Variants in CDC42BPG observed in about 807,000 individuals in gnomAD.
CDC42BPG encodes the protein CDC42 binding protein kinase gamma.
In CDC42BPG, 157 loss-of-function variants were observed where a neutral mutation model predicts 192.2. That is an observed-to-expected ratio of 0.82 (90% CI 0.72 to 0.93). CDC42BPG has a LOEUF of 0.93. CDC42BPG is among the 40% of genes least tolerant of loss of function. The probability of loss-of-function intolerance (pLI) is 0.00; values close to 1 mark genes in which losing one functional copy is unlikely to be tolerated. For synonymous variants in CDC42BPG, 981 were observed against 918.5 expected (o/e 1.07, Z -1.23); for missense variants, 1,992 against 2,122.1 (o/e 0.94, Z 1.20).
Position 64,829,931 on chromosome 11 carries a change from T to G in CDC42BPG, c.3507A>C (p.Ala1169=). 6.2e-7 allele frequency: 1 copy of G among 1,611,564 alleles called. No homozygotes were observed. Among genetic ancestry groups the G allele is most frequent in the South Asian group, 1.1e-5 (1 of 90,992 alleles). Residue 1169 remains alanine, a synonymous_variant, in exon 30 of 37, where the codon GCA becomes GCC. Transcript: ENST00000342711. ...ALAELENIEV[A]GAKIPESRGC... Reference sequence around the variant, plus strand: ...CTCGAGACTCGGGGATCTTGGCACCTGCTACCTCTATGTTCTCCAGCTCCG... The same window carrying G: ...CTCGAGACTCGGGGATCTTGGCACCGGCTACCTCTATGTTCTCCAGCTCCG...
In CDC42BPG at chr11:64,832,903, G is replaced by A; in HGVS notation, c.2788C>T (p.Pro930Ser). Residue 930 changes from proline (P) to serine (S), a missense_variant, in exon 25 of 37, where the codon CCC (proline) becomes TCC (serine). Physicochemically the swap from Pro to Ser is moderately conservative, Grantham distance 74. Transcript: ENST00000342711. ...CAPQAPPCPV[P>S]PDLLRTALGV... ...AGGGCTGTGCGGAGGAGGTCAGGGG[G>A]CACGGGGCAGGGTGGGGCCTGTGGG... 2 of 1,551,114 alleles carry A rather than the reference G, an allele frequency of 1.3e-6. No individual in the cohort carries two copies. Among genetic ancestry groups the A allele is most frequent in the Admixed American group, 2.0e-5 (1 of 50,814 alleles).
chr11:64,833,209 C>G (rs1237418547), intron 24 of CDC42BPG, 22 bp downstream of exon 24: 1 of 1,515,530 alleles, frequency 6.6e-7, no homozygotes, highest in Admixed American at 2.0e-5. Flanking sequence ...GTGGCTGGAG[C>G]ATAGTGGGTG....
rs995109398 is a variant in CDC42BPG, at chr11:64,826,470, C to T, written c.4599G>A (p.Gln1533=). ...GSLSPATSLM[Q]VSERPRSLPL... Reference sequence around the variant, plus strand: ...GGACAAGCCTCCCGGACCCGCTCACCTGCATTAGGGAGGTTGCAGGGCTCA... The same window carrying T: ...GGACAAGCCTCCCGGACCCGCTCACTTGCATTAGGGAGGTTGCAGGGCTCA... The change falls in exon 36 of 37, where the codon CAG becomes CAA. Residue 1533 remains glutamine (Q), a splice_region_variant and synonymous_variant. Coordinates refer to ENST00000342711, the MANE Select transcript of CDC42BPG (RefSeq NM_017525.3). 1 of 1,594,828 alleles carries T rather than the reference C, an allele frequency of 6.3e-7. No homozygotes were observed.
At chr11:64,825,142 CT>C (rs533094689) in intron 36 of CDC42BPG, among the ~76,000 whole-genome samples, 5 of 152,266 alleles carry the variant, frequency 3.3e-5, no homozygotes, top group African/African-American at 1.2e-4. Flanking sequence ...GTCTTGAACT[CT>C]TGACCTCAAG....
chr11:64,831,659 G>A lies in CDC42BPG; in HGVS notation c.3150C>T (p.Ser1050=), dbSNP rs202019785. ...TTCTVLLLAE[S]EGERERWLQV... The stretch of plus-strand genomic sequence containing the variant: ...GCAGCCAGCGTTCCCGCTCCCCCTC[G>A]CTCTCTGCCAGCAGCAGCACAGTGC... The change falls in exon 28 of 37, where the codon AGC becomes AGT. Residue 1050 remains serine (S), a synonymous_variant. Transcript: ENST00000342711. 2 of 1,609,882 alleles carry A rather than the reference G, an allele frequency of 1.2e-6. No homozygotes were observed. Among genetic ancestry groups the A allele is most frequent in the East Asian group, 2.2e-5 (1 of 44,870 alleles).
intron 7 of CDC42BPG, 23 bp from the exon 8 acceptor site, chr11:64,838,925 G>A (rs682172): frequency 1.9e-6 from 3 of 1,572,016 alleles, no homozygotes; most frequent in African/African-American, 1.3e-5. Context: ...GGAGGGGGCA[G>A]GCTGGGTCAA....
At chr11:64,833,029 A>G in intron 24 of CDC42BPG, 70 bp from the exon 25 acceptor site, 1 of 1,472,376 alleles carries the variant, frequency 6.8e-7, no homozygotes, top group Non-Finnish European at 9.0e-7. Flanking sequence ...GGACGGGGGC[A>G]TGTCCAGAGC....
At position 64,838,750 on chromosome 11, in the gene CDC42BPG, C is replaced by T; in HGVS notation, c.1029G>A (p.Glu343=). Residue 343 remains glutamate (E), a synonymous_variant, in exon 8 of 37, where the codon GAG becomes GAA. Transcript: ENST00000342711. ...NHPFFEGVDW[E]RLASSTAPYI... is the part of the protein sequence containing the mutation. Reference sequence around the variant, plus strand: ...AGGGGGCCGTGCTGCTCGCCAGCCGCTCCCAGTCCACGCCTTCGAAGAAAG... The same window carrying T: ...AGGGGGCCGTGCTGCTCGCCAGCCGTTCCCAGTCCACGCCTTCGAAGAAAG... The T allele has an allele frequency of 6.2e-7, 1 of 1,613,072 alleles. No individual in the cohort carries two copies. The highest frequency in any genetic ancestry group is 8.5e-7 in the Non-Finnish European group (1 of 1,180,032).
At position 64,827,077 on chromosome 11, in the gene CDC42BPG, C is replaced by T; in HGVS notation, c.4362G>A (p.Gly1454=). The change falls in exon 34 of 37, where the codon GGG becomes GGA. Residue 1454 remains glycine, a synonymous_variant. Coordinates refer to ENST00000342711, the MANE Select transcript of CDC42BPG (RefSeq NM_017525.3). ...GGGACTTGTCCCTGGCGCCGGGCCGCCCGTTGGCAGGGCCCACGTGTACTA... is the reference window on the plus strand; with the variant it reads ...GGGACTTGTCCCTGGCGCCGGGCCGTCCGTTGGCAGGGCCCACGTGTACTA... ...NHLVHVGPAN[G]RPGARDKSPA... 1.2e-6 allele frequency: 2 copies of T among 1,613,334 alleles called. No homozygotes were observed. The highest frequency in any genetic ancestry group is 1.7e-6 in the Non-Finnish European group (2 of 1,179,306).
At chr11:64,826,954 A>C in intron 34 of CDC42BPG, 96 bp downstream of exon 34, 1 of 1,166,040 alleles carries the variant, frequency 8.6e-7, no homozygotes, top group Non-Finnish European at 1.2e-6. Context: ...CTTAGGAGTA[A>C]TTACAGCGGC....
At chr11:64,840,701 C>T (rs1487549499) in intron 3 of CDC42BPG, 53 bp from the exon 4 acceptor site, 7 of 1,130,790 alleles carry the variant, frequency 6.2e-6, no homozygotes, top group Non-Finnish European at 7.9e-6. Flanking sequence ...GCCCAGGATG[C>T]CCCCCTTGCC....
chr11:64,835,017 T>TGGCCCCCCCCCCCCCCCC, intron 17 of CDC42BPG, 30 bp downstream of exon 17: 15 of 1,571,910 alleles, frequency 9.5e-6, no homozygotes, highest in Admixed American at 1.7e-5. Context: ...TCGCCTGCGT[T>TGGCCCCCCCCCCCCCCCC]CCCCACCCCG....
At chr11:64,825,954 G>A (rs1181346921) in intron 36 of CDC42BPG, among the ~76,000 whole-genome samples, 2 of 151,418 alleles carry the variant, frequency 1.3e-5, no homozygotes, top group African/African-American at 2.4e-5. Flanking sequence ...TAATACCAGC[G>A]ACTTGGGAGA....
chr11:64,835,535 G>A lies in CDC42BPG; in HGVS notation c.1845C>T (p.Ala615=), dbSNP rs1942941839. ...GGGCCTGCTCCAGCTGCTCTCGCAGGGCGGCCACCTCCTTCCTCAGTTGGG... is the reference window on the plus strand; with the variant it reads ...GGGCCTGCTCCAGCTGCTCTCGCAGAGCGGCCACCTCCTTCCTCAGTTGGG... ...QEAQLRKEVA[A]LREQLEQAHS... Residue 615 remains alanine (A), a synonymous_variant, in exon 15 of 37, where the codon GCC becomes GCT. Coordinates refer to ENST00000342711, the MANE Select transcript of CDC42BPG (RefSeq NM_017525.3). 1 of 1,594,262 alleles carries A rather than the reference G, an allele frequency of 6.3e-7. No homozygotes were observed. The highest frequency in any genetic ancestry group is 8.5e-7 in the Non-Finnish European group (1 of 1,173,856).
At chr11:64,827,419 T>G (rs1942482534) in intron 32 of CDC42BPG, 21 bp from the exon 33 acceptor site, 12 of 1,611,254 alleles carry the variant, frequency 7.4e-6, no homozygotes, top group Middle Eastern at 1.6e-4. Context: ...AGTGGAGAGC[T>G]GGGCTGTGCT....
rs191440343 is a variant in CDC42BPG at position 64,830,670 on chromosome 11, G to A, written c.3305-414C>T. On this transcript the variant is annotated intron_variant, in intron 28 of 36. Transcript: ENST00000342711. Reference sequence around the variant, plus strand: ...CCGCACAACCTCTCCTGTGTCTCCCGCCCTGAGAGCCGGGCCTGGCTCAGG... The same window carrying A: ...CCGCACAACCTCTCCTGTGTCTCCCACCCTGAGAGCCGGGCCTGGCTCAGG... Among the ~76,000 whole-genome samples, 50 of 152,274 alleles carry A rather than the reference G, an allele frequency of 3.3e-4. 1 individual carries two copies. The East Asian group carries it at 8.5e-3, about 26-fold the overall frequency.
At chr11:64,826,638 G>C in intron 35 of CDC42BPG, 33 bp downstream of exon 35, 1 of 1,584,462 alleles carries the variant, frequency 6.3e-7, no homozygotes, top group Non-Finnish European at 8.6e-7. Context: ...GGGGTGGGGG[G>C]TGGCACACTG....
chr11:64,832,779 C>T (rs1254486686), intron 25 of CDC42BPG, 36 bp from the exon 26 acceptor site: 3 of 1,592,860 alleles, frequency 1.9e-6, no homozygotes, highest in Non-Finnish European at 2.6e-6. Flanking sequence ...GCTGCAGGGA[C>T]CCTCAGCCCC....
Position 64,832,880 on chromosome 11 carries a change from G to A in CDC42BPG, c.2811C>T (p.Ala937=), listed in dbSNP as rs1942768380. 1 of 1,560,272 alleles carries A rather than the reference G, an allele frequency of 6.4e-7. No homozygotes were observed. The highest frequency in any genetic ancestry group is 8.7e-7 in the Non-Finnish European group (1 of 1,152,266). The change falls in exon 25 of 37, where the codon GCC becomes GCT. Residue 937 remains alanine, a synonymous_variant. Coordinates refer to ENST00000342711, the MANE Select transcript of CDC42BPG (RefSeq NM_017525.3). Reference sequence around the variant, plus strand: ...TGCCTGTTTCGGGGTGTACTCCCAGGGCTGTGCGGAGGAGGTCAGGGGGCA... The same window carrying A: ...TGCCTGTTTCGGGGTGTACTCCCAGAGCTGTGCGGAGGAGGTCAGGGGGCA... ...CPVPPDLLRT[A]LGVHPETGTG... is the part of the protein sequence containing the mutation.
Sources: allele counts gnomAD v4.1 joint callset (sites outside exome capture counted in the v4.1 genomes callset), GRCh38; gene constraint gnomAD v4.1.1; transcripts MANE v1.5; gene names NCBI Gene and HGNC (gene_info 2026-07-23, HGNC 2026-07-21).